Variants in APLP2 observed in about 807,000 individuals in gnomAD.
APLP2 encodes the protein CDEI box-binding protein.
In APLP2, 53 loss-of-function variants were observed where a neutral mutation model predicts 89.9. That is an observed-to-expected ratio of 0.59 (90% CI 0.47 to 0.74). The LOEUF (loss-of-function observed/expected upper bound fraction) is 0.74. Ranked by LOEUF, APLP2 falls within the 30% of genes least tolerant of loss-of-function variation. The pLI is 0.00. For synonymous variants in APLP2, 372 were observed against 348.6 expected (o/e 1.07, Z -0.75); for missense variants, 973 against 975.9 (o/e 1.00, Z 0.04).
At chr11:130,105,759 A>G (rs1297440038) in intron 1 of APLP2, among the ~76,000 whole-genome samples, 1 of 139,206 alleles carries the variant, frequency 7.2e-6, no homozygotes, top group African/African-American at 2.8e-5. Flanking sequence ...GCTGGAGTGC[A>G]ATGGTGTGAT....
At chr11:130,140,055 C>T (rs768528733) in intron 13 of APLP2, among the ~76,000 whole-genome samples, 9 of 152,284 alleles carry the variant, frequency 5.9e-5, no homozygotes, top group South Asian at 2.1e-4. Context: ...ATTTCTCCTA[C>T]GATGGTGTGT....
intron 5 of APLP2, 132 bp from the exon 6 acceptor site, chr11:130,122,173 G>A (rs1949898964): frequency 4.6e-6 from 5 of 1,088,406 alleles, no homozygotes; most frequent in Non-Finnish European, 5.4e-6. Flanking sequence ...CCAGGGCTTA[G>A]TGGCACGGTG....
chr11:130,076,497 C>A (rs904927551), intron 1 of APLP2, among the ~76,000 whole-genome samples: 1 of 152,128 alleles, frequency 6.6e-6, no homozygotes, highest in Non-Finnish European at 1.5e-5. Flanking sequence ...AGATTTTTAT[C>A]AAAATCAAGG....
At chr11:130,126,115 C>A (rs544891754) in intron 7 of APLP2, among the ~76,000 whole-genome samples, 2 of 152,136 alleles carry the variant, frequency 1.3e-5, no homozygotes, top group African/African-American at 4.8e-5. Flanking sequence ...GCTAAGAGTC[C>A]TTCACTGATA....
intron 14 of APLP2, chr11:130,140,778 T>C (rs1952269449): frequency 4.8e-6 from 1 of 208,572 alleles, no homozygotes; most frequent in Non-Finnish European, 9.5e-6. Flanking sequence ...GAGTAGAGAG[T>C]TAATAACTTG....
intron 1 of APLP2, among the ~76,000 whole-genome samples, chr11:130,099,697 G>A (rs1384125034): frequency 6.6e-6 from 1 of 152,236 alleles, no homozygotes; most frequent in African/African-American, 2.4e-5. Context: ...TAGTTAATGT[G>A]TGAAGAAGGA....
chr11:130,106,337 A>G (rs1464542948), intron 1 of APLP2, among the ~76,000 whole-genome samples: 2 of 151,904 alleles, frequency 1.3e-5, no homozygotes, highest in Non-Finnish European at 2.9e-5. Context: ...CCACCACTCC[A>G]CCTTAGCCCA....
chr11:130,084,489 C>CT (rs1051944488), intron 1 of APLP2, among the ~76,000 whole-genome samples: 51 of 151,898 alleles, frequency 3.4e-4, no homozygotes, highest in African/African-American at 1.2e-3. Context: ...TTATAGTGTT[C>CT]TTTTTTTTGT....
chr11:130,140,050 T>G (rs1033988673), intron 13 of APLP2, among the ~76,000 whole-genome samples: 5 of 152,172 alleles, frequency 3.3e-5, no homozygotes, highest in African/African-American at 1.2e-4. Flanking sequence ...CAGTAATTTC[T>G]CCTACGATGG....
intron 1 of APLP2, among the ~76,000 whole-genome samples, chr11:130,094,923 G>A (rs1054339742): frequency 1.3e-5 from 2 of 152,226 alleles, no homozygotes; most frequent in Non-Finnish European, 2.9e-5. Context: ...AAACCAGTGG[G>A]TCAGCTAGTG....
At chr11:130,125,513 T>A (rs1028536511) in intron 7 of APLP2, among the ~76,000 whole-genome samples, 1 of 152,234 alleles carries the variant, frequency 6.6e-6, no homozygotes, top group East Asian at 1.9e-4. Flanking sequence ...TTAAAACTTA[T>A]GTAGGGCTCA....
At chr11:130,077,576 G>T (rs1442168184) in intron 1 of APLP2, among the ~76,000 whole-genome samples, 3 of 148,344 alleles carry the variant, frequency 2.0e-5, no homozygotes, top group Non-Finnish European at 4.4e-5. Flanking sequence ...CCCCAGTTTT[G>T]TTGAATCTTA....
intron 1 of APLP2, among the ~76,000 whole-genome samples, chr11:130,076,047 T>C (rs762799735): frequency 6.6e-6 from 1 of 152,208 alleles, no homozygotes; most frequent in Non-Finnish European, 1.5e-5. Flanking sequence ...CAAATGATAT[T>C]CACTGATTTT....
chr11:130,141,840 G>A lies in APLP2; in HGVS notation c.1999-79G>A, dbSNP rs918334803. The A allele has an allele frequency of 7.9e-6, 12 of 1,515,558 alleles. No individual in the cohort carries two copies. In the East Asian group the frequency reaches 9.1e-5, roughly 12 times the overall value. The allele number at this position is 1,515,558 out of a possible 1,614,324, so 93.9% of individuals were successfully genotyped here. A position where few individuals can be genotyped will look rare whatever the true frequency, so the allele number is the denominator to read the frequency against. On this transcript the variant is annotated intron_variant, in intron 15 of 16. Transcript: ENST00000338167. This position sits in a 1 kb window ranked among gnomAD's most constrained non-coding sequence, Gnocchi z 4.2. ...TTTAGGGGCTCGACCTTCCAGGAGC[G>A]TGGCCCTCAGTGAGTTACTTGCCTC...
chr11:130,089,241 G>A (rs1409545591), intron 1 of APLP2, among the ~76,000 whole-genome samples: 1 of 152,178 alleles, frequency 6.6e-6, no homozygotes, highest in Non-Finnish European at 1.5e-5. Context: ...GATGAATGCA[G>A]TGGCTTCCTA....
intron 1 of APLP2, among the ~76,000 whole-genome samples, chr11:130,082,179 AT>A (rs79862906): frequency 0.11 from 16,707 of 147,712 alleles, 1,155 homozygotes; most frequent in East Asian, 0.24. Flanking sequence ...TCAAAACTTC[AT>A]TTTTTTTTTT....
chr11:130,095,294 T>A (rs2135597684), intron 1 of APLP2, among the ~76,000 whole-genome samples: 1 of 152,240 alleles, frequency 6.6e-6, no homozygotes, highest in Middle Eastern at 3.4e-3. Context: ...ATTGCTTGAG[T>A]GCAGGAGTTT....
At chr11:130,082,708 A>G in intron 1 of APLP2, 1 of 214,296 alleles carries the variant, frequency 4.7e-6, no homozygotes, top group Non-Finnish European at 9.6e-6. Context: ...ACGCCACTGC[A>G]GGTGTTGGTG....
intron 1 of APLP2, among the ~76,000 whole-genome samples, chr11:130,081,010 T>A (rs1326371749): frequency 6.6e-6 from 1 of 151,874 alleles, no homozygotes; most frequent in Non-Finnish European, 1.5e-5. Flanking sequence ...CTTTCTAGAT[T>A]CATATGCTTT....
Sources: gnomAD v4.1 joint callset for allele counts (sites outside exome capture counted in the v4.1 genomes callset) on GRCh38, gnomAD v4.1.1 for gene constraint, Gnocchi (gnomAD v3.1) non-coding constraint, MANE v1.5 for transcripts, NCBI Gene and HGNC (gene_info 2026-07-23, HGNC 2026-07-21) for gene names.